Variants in CASD1 observed in about 807,000 individuals in gnomAD.
CASD1 encodes the protein N-acetylneuraminate (7)9-O-acetyltransferase.
CASD1 carries 41 observed loss-of-function variants against 100.0 expected under a neutral mutation model. The observed-to-expected ratio is 0.41, with a 90% CI of 0.32 to 0.53. CASD1 has a LOEUF of 0.53. Ranked by LOEUF, CASD1 falls within the 20% of genes least tolerant of loss-of-function variation. CASD1 has a pLI of 0.25. For synonymous variants in CASD1, 321 were observed against 315.6 expected (o/e 1.02, Z -0.18); for missense variants, 774 against 948.7 (o/e 0.82, Z 2.42).
At chr7:94,517,745 C>G in intron 2 of CASD1, 89 bp downstream of exon 2, 1 of 762,676 alleles carries the variant, frequency 1.3e-6, no homozygotes. Flanking sequence ...CTTTTCATCT[C>G]TATGTTGGGG....
chr7:94,625,545 G>T, the CASD1 span: 1 of 151,922 alleles, frequency 6.6e-6, no homozygotes, highest in Non-Finnish European at 1.5e-5. Flanking sequence ...GGTGTTTAAC[G>T]ATCCATTCAT....
At chr7:94,516,845 T>C (rs1351033800) in intron 1 of CASD1, among the ~76,000 whole-genome samples, 3 of 152,056 alleles carry the variant, frequency 2.0e-5, no homozygotes, top group Non-Finnish European at 4.4e-5. Context: ...ATGCACTGTG[T>C]ATTATAGTAG....
chr7:94,510,986 A>G (rs73423206), intron 1 of CASD1, among the ~76,000 whole-genome samples: 270 of 152,360 alleles, frequency 1.8e-3, no homozygotes, highest in African/African-American at 6.3e-3. Context: ...GGCCTTGGCC[A>G]TGGGTTTTGA....
intron 1 of CASD1, among the ~76,000 whole-genome samples, chr7:94,512,211 T>C (rs1171780605): frequency 6.6e-6 from 1 of 152,116 alleles, no homozygotes; most frequent in Admixed American, 6.5e-5. Context: ...AGAAGAACTG[T>C]CTTTGGGCCA....
chr7:94,537,849 C>G lies in CASD1; in HGVS notation c.1221C>G (p.Ile407Met). The G allele has an allele frequency of 6.3e-7, 1 of 1,578,420 alleles. No homozygotes were observed. Among genetic ancestry groups the G allele is most frequent in the South Asian group, 1.1e-5 (1 of 90,012 alleles). Residue 407 changes from isoleucine (I) to methionine (M), a missense_variant, in exon 9 of 18, where the codon ATC becomes ATG. Physicochemically the swap from Ile to Met is conservative, Grantham distance 10. Coordinates refer to ENST00000297273, the MANE Select transcript of CASD1 (RefSeq NM_022900.5). ...ATTCATCTTTCTTTATTCCAATTAT[C>G]TACATTTTGGTTTTGGGAGTATTTT... Reference protein sequence around the residue: ...YTHSSFFIPIIYILVLGVFYN... With the variant: ...YTHSSFFIPIMYILVLGVFYN...
intron 10 of CASD1, among the ~76,000 whole-genome samples, chr7:94,543,365 A>C (rs1211785863): frequency 6.6e-6 from 1 of 152,168 alleles, no homozygotes; most frequent in Admixed American, 6.5e-5. Context: ...TTTAAAAAGC[A>C]GTGTATGGAC....
Position 94,509,918 on chromosome 7 carries a change from G to C in CASD1, c.-167G>C. Reference sequence around the variant, plus strand: ...GCCGAGGAGGGGCAGGCGGAGGTCGGGGGCGCCGCGGCCGCGGGGTCAGGT... The same window carrying C: ...GCCGAGGAGGGGCAGGCGGAGGTCGCGGGCGCCGCGGCCGCGGGGTCAGGT... On this transcript the variant is annotated 5_prime_UTR_variant, in exon 1 of 18. Transcript: ENST00000297273. 2.6e-6 allele frequency: 3 copies of C among 1,136,678 alleles called. No individual in the cohort carries two copies. Among genetic ancestry groups the C allele is most frequent in the Non-Finnish European group, 3.2e-6 (3 of 923,820 alleles). 70.4% of individuals were successfully genotyped at this position (1,136,678 alleles called of 1,614,324 possible).
the CASD1 span, among the ~76,000 whole-genome samples, chr7:94,608,872 T>C: frequency 6.6e-6 from 1 of 152,124 alleles, no homozygotes; most frequent in African/African-American, 2.4e-5. Context: ...CTTATACATG[T>C]AAAAAATGAA....
chr7:94,542,954 T>C (rs991215435), intron 10 of CASD1, among the ~76,000 whole-genome samples: 1 of 152,142 alleles, frequency 6.6e-6, no homozygotes, highest in Non-Finnish European at 1.5e-5. Flanking sequence ...GATATGTAGA[T>C]TGTAGGTGCT....
rs753255825 is a variant in CASD1, at chr7:94,535,466, A to C, written c.786A>C (p.Gln262His). 3.1e-6 allele frequency: 5 copies of C among 1,613,796 alleles called. No individual in the cohort carries two copies. The highest frequency in any genetic ancestry group is 1.3e-5 in the African/African-American group (1 of 75,032). The change falls in exon 8 of 18, where the codon CAA (glutamine) becomes CAC (histidine). Residue 262 changes from glutamine (Q) to histidine (H), a missense_variant. Transcript: ENST00000297273. ...KMFSVSKLIA[Q>H]ETIMESLDGL... ...TCAGTGTTTCCAAATTAATTGCTCA[A>C]GAAACCATCATGGAATCTTTGGATG...
chr7:94,617,790 T>C, the CASD1 span: 1 of 56,972 alleles, frequency 1.8e-5, no homozygotes, highest in Admixed American at 1.4e-4. Flanking sequence ...CATCTGCCTT[T>C]TACCTACCCA....
chr7:94,629,936 C>A, the CASD1 span: 1 of 1,416,280 alleles, frequency 7.1e-7, no homozygotes, highest in South Asian at 1.2e-5. Context: ...AGGGGTCTCA[C>A]TATGTAGACA....
intron 1 of CASD1, among the ~76,000 whole-genome samples, chr7:94,510,460 G>T (rs113843556): frequency 0.018 from 2,789 of 152,312 alleles, 90 homozygotes; most frequent in African/African-American, 0.063. Flanking sequence ...CGCCCGCGCT[G>T]GGGTCGGGGG....
chr7:94,559,308 G>GTGTGTA (rs1377071150), downstream of CASD1, among the ~76,000 whole-genome samples: 449 of 123,740 alleles, frequency 3.6e-3, 1 homozygote, highest in South Asian at 0.011. Flanking sequence ...GTGTGTGTAT[G>GTGTGTA]TGTGTGTGTG....
chr7:94,510,046 T>G lies in CASD1; in HGVS notation c.-39T>G, dbSNP rs529108210. On this transcript the variant is annotated 5_prime_UTR_variant, in exon 1 of 18. Transcript: ENST00000297273. ...GTGCTGCCCCTGTGCGGCGCCCCTT[T>G]CCCGCTCCGCCGCGCACTGTTGTCA... 1.2e-4 allele frequency: 173 copies of G among 1,473,282 alleles called. No individual in the cohort carries two copies. The highest frequency in any genetic ancestry group is 1.5e-4 in the Non-Finnish European group (167 of 1,104,220). 91.3% of individuals were successfully genotyped at this position (1,473,282 alleles called of 1,614,324 possible).
At chr7:94,588,050 A>T in the CASD1 span, 3 of 1,357,532 alleles carry the variant, frequency 2.2e-6, no homozygotes, top group Admixed American at 3.7e-5. Context: ...ATCAACCACT[A>T]ATTAGAAGAC....
chr7:94,601,028 A>G, the CASD1 span, among the ~76,000 whole-genome samples: 2 of 152,184 alleles, frequency 1.3e-5, no homozygotes, highest in African/African-American at 4.8e-5. Context: ...AGGGAATGTA[A>G]CAAATGAAAG....
intron 17 of CASD1, 29 bp from the exon 18 acceptor site, chr7:94,555,463 A>T: frequency 6.2e-7 from 1 of 1,601,742 alleles, no homozygotes; most frequent in Admixed American, 1.7e-5. Flanking sequence ...CCCTCTATAA[A>T]TATCTGACTT....
chr7:94,624,812 T>C, the CASD1 span: 3 of 152,064 alleles, frequency 2.0e-5, no homozygotes, highest in African/African-American at 7.2e-5. Context: ...TTTTTATGGG[T>C]AGCCTTCCCT....
Sources: gnomAD v4.1 joint callset for allele counts (sites outside exome capture counted in the v4.1 genomes callset) on GRCh38, gnomAD v4.1.1 for gene constraint, MANE v1.5 for transcripts, NCBI Gene and HGNC (gene_info 2026-07-23, HGNC 2026-07-21) for gene names.